Variants in SUGCT observed in about 807,000 individuals in gnomAD.
The protein encoded by SUGCT is succinyl-CoA:glutarate CoA-transferase.
SUGCT carries 41 observed loss-of-function variants against 55.0 expected under a neutral mutation model. That is an observed-to-expected ratio of 0.74 (90% confidence interval 0.58 to 0.97). The LOEUF is 0.97. Among genes scored for constraint, SUGCT ranks in the 50% least tolerant of loss-of-function variants. The pLI is 0.00. For missense variants in SUGCT, 568 were observed against 547.8 expected, an observed-to-expected ratio of 1.04 and a Z score of -0.37; for synonymous variants, 187 against 200.4, an observed-to-expected ratio of 0.93 and a Z score of 0.56.
intron 12 of SUGCT, chr7:40,684,013 T>C (rs1400903110): frequency 1.9e-6 from 3 of 1,610,206 alleles, no homozygotes; most frequent in Non-Finnish European, 2.5e-6. Flanking sequence ...ATCCTTGTGG[T>C]TGTATGACTG....
chr7:40,646,410 A>G (rs575424021), intron 12 of SUGCT, among the ~76,000 whole-genome samples: 36 of 152,314 alleles, frequency 2.4e-4, no homozygotes, highest in East Asian at 9.6e-4. Flanking sequence ...AAACCCATCA[A>G]TGCCTTCTCA....
chr7:40,772,542 C>CTGG (rs1393553605), intron 13 of SUGCT, among the ~76,000 whole-genome samples: 12 of 149,778 alleles, frequency 8.0e-5, no homozygotes, highest in African/African-American at 2.2e-4. Flanking sequence ...ATCTATCTAT[C>CTGG]TATCTATCTA....
the SUGCT span, among the ~76,000 whole-genome samples, chr7:40,971,212 C>T: frequency 3.9e-5 from 6 of 152,000 alleles, no homozygotes; most frequent in Non-Finnish European, 7.3e-5. Context: ...GAGAGCGATG[C>T]GGGAGGTGCC....
In SUGCT at chr7:40,541,895, C is replaced by T. The variant is rs543912616; in HGVS notation, c.1089+45509C>T. Among the ~76,000 whole-genome samples, 25 of 152,166 alleles carry T rather than the reference C, an allele frequency of 1.6e-4. No homozygotes were observed. In the South Asian group the frequency reaches 1.7e-3, roughly 10 times the overall value. On this transcript the variant is annotated intron_variant, in intron 12 of 13. Coordinates refer to ENST00000335693, the MANE Select transcript of SUGCT (RefSeq NM_001193313.2). ...AGAGTTTAGGATATATTTCATGGAG[C>T]GGGTGGCATTTGAGGTGTATCTTGA...
chr7:40,233,884 C>T (rs1004998877), intron 6 of SUGCT, among the ~76,000 whole-genome samples: 1 of 152,072 alleles, frequency 6.6e-6, no homozygotes, highest in Non-Finnish European at 1.5e-5. Flanking sequence ...AATGAATTGT[C>T]AAAGATTTAA....
intron 12 of SUGCT, among the ~76,000 whole-genome samples, chr7:40,700,234 C>T (rs1174360579): frequency 6.6e-6 from 1 of 152,126 alleles, no homozygotes; most frequent in African/African-American, 2.4e-5. Flanking sequence ...TGCAGTGGAG[C>T]ATACATTAAC....
chr7:40,155,490 A>G (rs1584203684), intron 1 of SUGCT, among the ~76,000 whole-genome samples: 1 of 152,218 alleles, frequency 6.6e-6, no homozygotes, highest in Non-Finnish European at 1.5e-5. Context: ...TGGTTCCCAC[A>G]AAAAGATCCT....
At chr7:41,036,569 T>A in the SUGCT span, among the ~76,000 whole-genome samples, 1 of 152,156 alleles carries the variant, frequency 6.6e-6, no homozygotes, top group Non-Finnish European at 1.5e-5. Context: ...CCCCTCTCCC[T>A]CTTTTCTCTG....
At chr7:40,729,331 T>A (rs1255085212) in intron 12 of SUGCT, among the ~76,000 whole-genome samples, 1 of 152,246 alleles carries the variant, frequency 6.6e-6, no homozygotes, top group Non-Finnish European at 1.5e-5. Flanking sequence ...TCTCAGGGAC[T>A]ATATGTCCAC....
chr7:40,724,018 C>T (rs1295332196), intron 12 of SUGCT, among the ~76,000 whole-genome samples: 1 of 151,924 alleles, frequency 6.6e-6, no homozygotes, highest in Non-Finnish European at 1.5e-5. Context: ...CAATTAAGAT[C>T]AGAAAAAATG....
intron 12 of SUGCT, among the ~76,000 whole-genome samples, chr7:40,559,212 G>A (rs1795714094): frequency 6.6e-6 from 1 of 152,176 alleles, no homozygotes; most frequent in African/African-American, 2.4e-5. Flanking sequence ...TTGGTCTCCA[G>A]CCAGATGCTC....
the SUGCT span, among the ~76,000 whole-genome samples, chr7:40,932,435 T>C: frequency 6.6e-5 from 10 of 152,200 alleles, no homozygotes; most frequent in African/African-American, 2.4e-4. Flanking sequence ...AGTTGTCTAT[T>C]AGGTCCGCTT....
intron 8 of SUGCT, among the ~76,000 whole-genome samples, chr7:40,277,727 G>A (rs935968342): frequency 7.0e-6 from 1 of 142,932 alleles, no homozygotes; most frequent in Non-Finnish European, 1.5e-5. Context: ...TAGGGTACAT[G>A]TGCACAATGT....
At chr7:40,488,223 AT>A (rs1192944948) in intron 11 of SUGCT, among the ~76,000 whole-genome samples, 1 of 150,510 alleles carries the variant, frequency 6.6e-6, no homozygotes, top group Non-Finnish European at 1.5e-5. Context: ...CTTTTTGTGT[AT>A]TTTTTCTTTG....
chr7:40,644,586 G>T (rs1186004457), intron 12 of SUGCT, among the ~76,000 whole-genome samples: 1 of 152,200 alleles, frequency 6.6e-6, no homozygotes, highest in Non-Finnish European at 1.5e-5. Context: ...CCAGGTTAAT[G>T]AGCAGTCGGC....
chr7:40,587,903 G>GTT (rs376387507), intron 12 of SUGCT, among the ~76,000 whole-genome samples: 16 of 133,996 alleles, frequency 1.2e-4, no homozygotes, highest in South Asian at 2.4e-4. Flanking sequence ...CTTTCTTTCT[G>GTT]TTTTTTTTTT....
intron 7 of SUGCT, among the ~76,000 whole-genome samples, chr7:40,241,492 T>C: frequency 6.6e-6 from 1 of 151,068 alleles, no homozygotes; most frequent in South Asian, 2.1e-4. Flanking sequence ...AGCAAGAGAA[T>C]TGGTTGAACC....
At chr7:40,319,965 G>A (rs4480017) in intron 9 of SUGCT, among the ~76,000 whole-genome samples, 83,849 of 151,466 alleles carry the variant, frequency 0.55, 24,457 homozygotes, top group Non-Finnish European at 0.66. Flanking sequence ...GAGACTACAG[G>A]TACCAGCCAC....
intron 9 of SUGCT, among the ~76,000 whole-genome samples, chr7:40,357,627 GT>G (rs1012509844): frequency 3.9e-5 from 6 of 152,156 alleles, no homozygotes; most frequent in African/African-American, 1.4e-4. Flanking sequence ...ATGTGGCTGT[GT>G]TTCAATAAAA....
Sources: gnomAD v4.1 joint callset for allele counts (sites outside exome capture counted in the v4.1 genomes callset) on GRCh38, gnomAD v4.1.1 for gene constraint, MANE v1.5 for transcripts, NCBI Gene and HGNC (gene_info 2026-07-23, HGNC 2026-07-21) for gene names.